Variants in SLC9A7 observed in about 807,000 individuals in gnomAD.
The protein encoded by SLC9A7 is sodium/hydrogen exchanger 7.
Under a neutral mutation model 52.6 loss-of-function variants are expected in SLC9A7, and 19 were observed. That is an observed-to-expected ratio of 0.36 (90% confidence interval 0.25 to 0.53). SLC9A7 has a LOEUF of 0.53. Ranked by LOEUF, SLC9A7 falls within the 20% of genes least tolerant of loss-of-function variation. The probability of loss-of-function intolerance (pLI) is 0.91; values close to 1 mark genes in which losing one functional copy is unlikely to be tolerated. For synonymous variants in SLC9A7, 226 were observed against 252.1 expected (o/e 0.90, Z 0.98); for missense variants, 455 against 597.9 (o/e 0.76, Z 2.49).
intron 16 of SLC9A7, among the ~76,000 whole-genome samples, chrX:46,609,377 G>A (rs1429551245): frequency 8.9e-6 from 1 of 112,188 alleles, no homozygotes; most frequent in Non-Finnish European, 1.9e-5. Context: ...TAGTACTCAA[G>A]GAAAGGTCAT....
chrX:46,686,610 AT>A (rs11437752), intron 1 of SLC9A7, among the ~76,000 whole-genome samples: 104 of 110,408 alleles, frequency 9.4e-4, no homozygotes, highest in Middle Eastern at 9.3e-3. Context: ...CATGCACTAG[AT>A]TTTTTTTTGA....
chrX:46,697,813 A>G (rs1243627679), intron 1 of SLC9A7, among the ~76,000 whole-genome samples: 1 of 112,091 alleles, frequency 8.9e-6, no homozygotes, highest in Non-Finnish European at 1.9e-5. Flanking sequence ...ACAGAGCCAT[A>G]TTTCTCTTCT....
At position 46,605,503 on chromosome X, in the gene SLC9A7, A is replaced by T. The variant is rs1942729882; in HGVS notation, c.*1449T>A. ...GCATGGCACTCAGTGGTGTAAAGACACTCGGACTCTTAAGCTTATAGAAGA... is the reference window on the plus strand; with the variant it reads ...GCATGGCACTCAGTGGTGTAAAGACTCTCGGACTCTTAAGCTTATAGAAGA... On this transcript the variant is annotated 3_prime_UTR_variant, in exon 17 of 17. Transcript: ENST00000616978. 1 of 111,179 alleles carries T rather than the reference A, an allele frequency of 9.0e-6. No individual in the cohort carries two copies. Among genetic ancestry groups the T allele is most frequent in the African/African-American group, 3.3e-5 (1 of 30,537 alleles). 9.2% of individuals were successfully genotyped at this position (111,179 alleles called of 1,213,427 possible). A position where few individuals can be genotyped will look rare whatever the true frequency, so the allele number is the denominator to read the frequency against.
At chrX:46,737,413 T>A (rs918653117) in intron 1 of SLC9A7, among the ~76,000 whole-genome samples, 1 of 112,366 alleles carries the variant, frequency 8.9e-6, no homozygotes, top group African/African-American at 3.2e-5. Flanking sequence ...TAAGCAAATG[T>A]TCAGGTCCTG....
intron 7 of SLC9A7, among the ~76,000 whole-genome samples, chrX:46,658,658 C>T (rs1474075926): frequency 4.5e-5 from 5 of 111,012 alleles, no homozygotes; most frequent in African/African-American, 1.6e-4. Context: ...ATACACTCTC[C>T]CAGGACTAAA....
intron 12 of SLC9A7, among the ~76,000 whole-genome samples, chrX:46,640,309 G>A (rs1234564353): frequency 8.9e-6 from 1 of 112,149 alleles, no homozygotes; most frequent in Non-Finnish European, 1.9e-5. Context: ...AATGGAGTAG[G>A]ATAGTCTTTT....
chrX:46,640,400 AC>A (rs1421130796), intron 12 of SLC9A7, among the ~76,000 whole-genome samples: 1 of 112,472 alleles, frequency 8.9e-6, no homozygotes, highest in Non-Finnish European at 1.9e-5. Context: ...ATAAAAATTA[AC>A]TCAAAATGGA....
chrX:46,719,565 T>C (rs761344432), intron 1 of SLC9A7, among the ~76,000 whole-genome samples: 1 of 111,694 alleles, frequency 9.0e-6, no homozygotes. Context: ...TTAAAAGTTG[T>C]TTGAGGAAAA....
At chrX:46,714,679 G>A (rs1469563928) in intron 1 of SLC9A7, among the ~76,000 whole-genome samples, 1 of 112,279 alleles carries the variant, frequency 8.9e-6, no homozygotes, top group East Asian at 2.8e-4. Flanking sequence ...ATATATGTCA[G>A]TGAACGAAAC....
At chrX:46,623,261 G>A (rs1943073362) in intron 14 of SLC9A7, among the ~76,000 whole-genome samples, 1 of 111,843 alleles carries the variant, frequency 8.9e-6, no homozygotes, top group Admixed American at 9.4e-5. Context: ...GTGGGAACAG[G>A]CGGAGCCTCC....
chrX:46,627,778 TGGG>T (rs11362478), intron 14 of SLC9A7, among the ~76,000 whole-genome samples: 2 of 63,096 alleles, frequency 3.2e-5, no homozygotes, highest in African/African-American at 1.2e-4. Context: ...ATGGGCGGGT[TGGG>T]GGGGGGGCGG....
intron 15 of SLC9A7, among the ~76,000 whole-genome samples, chrX:46,615,592 C>T (rs1265914639): frequency 9.1e-6 from 1 of 109,530 alleles, no homozygotes; most frequent in African/African-American, 3.3e-5. Flanking sequence ...CTCCCCCTTC[C>T]TCCTCTCCAG....
chrX:46,669,528 T>A (rs1032067676), intron 5 of SLC9A7, 79 bp downstream of exon 5: 1 of 525,810 alleles, frequency 1.9e-6, no homozygotes. Context: ...GCAACAAAAG[T>A]TAATGATTGC....
intron 12 of SLC9A7, 129 bp downstream of exon 12, chrX:46,643,107 C>A: frequency 1.8e-6 from 1 of 564,716 alleles, no homozygotes; most frequent in Non-Finnish European, 2.7e-6. Context: ...GTTAATCCCC[C>A]CTCACAAACA....
chrX:46,656,430 C>T (rs1228044634), intron 7 of SLC9A7, among the ~76,000 whole-genome samples: 41 of 112,510 alleles, frequency 3.6e-4, no homozygotes, highest in Non-Finnish European at 6.6e-4. Flanking sequence ...CTCTGAGCTA[C>T]GGGAGGACAT....
intron 12 of SLC9A7, among the ~76,000 whole-genome samples, chrX:46,640,187 A>C (rs986203314): frequency 7.1e-5 from 8 of 112,453 alleles, no homozygotes; most frequent in Non-Finnish European, 1.5e-4. Context: ...AAGTATAGTC[A>C]TCAAGACAGT....
At chrX:46,611,409 C>T (rs1055629352) in intron 16 of SLC9A7, among the ~76,000 whole-genome samples, 3 of 112,175 alleles carry the variant, frequency 2.7e-5, no homozygotes, top group Non-Finnish European at 5.6e-5. Context: ...ATTTTTTTGT[C>T]ATTTAAAACC....
chrX:46,723,484 T>C (rs999728070), intron 1 of SLC9A7, among the ~76,000 whole-genome samples: 1 of 109,890 alleles, frequency 9.1e-6, no homozygotes, highest in Non-Finnish European at 1.9e-5. Flanking sequence ...AAAGGCAAAG[T>C]AGGAGACTAC....
chrX:46,604,404 GA>G lies in SLC9A7; in HGVS notation c.*2547del, dbSNP rs1469724834. On this transcript the variant is annotated 3_prime_UTR_variant, in exon 17 of 17. Coordinates refer to ENST00000616978, the MANE Select transcript of SLC9A7 (RefSeq NM_001257291.2). ...AATGGACTTTATTGTAGATAAAAAG[GA>G]AAGAGGAGAATAAAAATCATTCAAC... 1 of 110,899 alleles carries G rather than the reference GA, an allele frequency of 9.0e-6. No individual in the cohort carries two copies. Among genetic ancestry groups the G allele is most frequent in the African/African-American group, 3.3e-5 (1 of 30,296 alleles). 9.1% of individuals were successfully genotyped at this position (110,899 alleles called of 1,213,427 possible).
Sources: gnomAD v4.1 joint callset for allele counts (sites outside exome capture counted in the v4.1 genomes callset) on GRCh38, gnomAD v4.1.1 for gene constraint, MANE v1.5 for transcripts, NCBI Gene and HGNC (gene_info 2026-07-23, HGNC 2026-07-21) for gene names.